SNX29: variants seen among roughly 807,000 people sequenced by gnomAD.
SNX29 encodes sorting nexin-29.
In SNX29, 78 loss-of-function variants were observed where a neutral mutation model predicts 102.1. The ratio of observed to expected loss-of-function variants is 0.76; its 90% CI spans 0.64 to 0.92. The LOEUF is 0.92. SNX29 is among the 40% of genes least tolerant of loss of function. The pLI is 0.00. For missense variants in SNX29, 1,280 were observed against 1,061.7 expected (o/e 1.21, Z -2.86); for synonymous variants, 580 against 414.5 (o/e 1.40, Z -4.85).
At chr16:12,545,263 C>T (rs894998210) in intron 20 of SNX29, among the ~76,000 whole-genome samples, 1 of 152,202 alleles carries the variant, frequency 6.6e-6, no homozygotes, top group Non-Finnish European at 1.5e-5. Flanking sequence ...CCAAAGAGTA[C>T]TGTTGAGAAA....
At chr16:12,282,135 G>A (rs1464792924) in intron 15 of SNX29, among the ~76,000 whole-genome samples, 3 of 146,312 alleles carry the variant, frequency 2.1e-5, no homozygotes, top group Non-Finnish European at 4.5e-5. Context: ...AATCCTCACA[G>A]TTGAGCACCA....
rs531854645 is a variant in SNX29, at chr16:12,167,556, A to C, written c.1596-32045A>C. Among the ~76,000 whole-genome samples, 237 of 152,292 alleles carry C rather than the reference A, an allele frequency of 1.6e-3. 1 individual carries two copies. Among genetic ancestry groups the C allele is most frequent in the Non-Finnish European group, 2.9e-3 (198 of 68,020 alleles). ...TTGCCCAGGGTTGGGAGGTGCAATC[A>C]TTGATTCCATTATCGCCACCATTAA... is the stretch of plus-strand genomic sequence containing the variant. On this transcript the variant is annotated intron_variant, in intron 13 of 20. Coordinates refer to ENST00000566228, the MANE Select transcript of SNX29 (RefSeq NM_032167.5).
intron 4 of SNX29, among the ~76,000 whole-genome samples, chr16:12,034,144 G>T (rs2057413327): frequency 6.6e-6 from 1 of 152,172 alleles, no homozygotes; most frequent in African/African-American, 2.4e-5. Flanking sequence ...GAAAATGGTT[G>T]ATTGCACTCA....
intron 14 of SNX29, among the ~76,000 whole-genome samples, chr16:12,266,497 A>G (rs2078932784): frequency 6.6e-6 from 1 of 152,118 alleles, no homozygotes; most frequent in Non-Finnish European, 1.5e-5. Context: ...AGCTTACAGA[A>G]CAACACCTGT....
intron 15 of SNX29, among the ~76,000 whole-genome samples, chr16:12,280,615 A>C (rs2079401250): frequency 6.6e-6 from 1 of 152,234 alleles, no homozygotes; most frequent in Non-Finnish European, 1.5e-5. Flanking sequence ...ACATGTCCTC[A>C]AACGGCATTT....
intron 14 of SNX29, among the ~76,000 whole-genome samples, chr16:12,275,753 T>C (rs1466353166): frequency 6.6e-6 from 1 of 152,084 alleles, no homozygotes; most frequent in Non-Finnish European, 1.5e-5. Flanking sequence ...ATTGTTATTT[T>C]TGACACATAA....
chr16:12,162,158 G>T (rs1318323666), intron 13 of SNX29, among the ~76,000 whole-genome samples: 1 of 152,038 alleles, frequency 6.6e-6, no homozygotes, highest in African/African-American at 2.4e-5. Context: ...GCACGTGATG[G>T]CTCCCTTCTT....
chr16:12,076,804 A>T (rs2051596310), intron 10 of SNX29, among the ~76,000 whole-genome samples: 2 of 152,154 alleles, frequency 1.3e-5, no homozygotes, highest in South Asian at 4.1e-4. Context: ...TCTAGAGTGG[A>T]ACTTCCTGAC....
chr16:12,222,719 C>T (rs1204597748), intron 14 of SNX29, among the ~76,000 whole-genome samples: 2 of 152,206 alleles, frequency 1.3e-5, no homozygotes, highest in African/African-American at 2.4e-5. Flanking sequence ...CAGGCACCCG[C>T]CACCATGCCC....
rs1477663027 is a variant in SNX29, at chr16:12,475,223, A to C, written c.2038-2496A>C. ...GTTCCTGAAATTGCCCACTCGTCAG[A>C]ATCACTGGAGAAGCTTTGGTTGCAT... On this transcript the variant is annotated intron_variant, in intron 18 of 20. Coordinates refer to ENST00000566228, the MANE Select transcript of SNX29 (RefSeq NM_032167.5). Among the ~76,000 whole-genome samples, 5 of 152,182 alleles carry C rather than the reference A, an allele frequency of 3.3e-5. No homozygotes were observed. In the East Asian group the frequency reaches 9.6e-4, roughly 29 times the overall value.
intron 16 of SNX29, among the ~76,000 whole-genome samples, chr16:12,378,808 A>G (rs1367440623): frequency 6.6e-6 from 1 of 152,140 alleles, no homozygotes; most frequent in Non-Finnish European, 1.5e-5. Context: ...CCGCTCCCCC[A>G]GCCCAGTCCG....
At chr16:12,430,613 T>G (rs546585633) in intron 18 of SNX29, among the ~76,000 whole-genome samples, 1 of 152,250 alleles carries the variant, frequency 6.6e-6, no homozygotes, top group East Asian at 1.9e-4. Context: ...ATGAAATTAA[T>G]AAAGTGTTAT....
chr16:12,527,719 G>T (rs1458033085), intron 20 of SNX29, among the ~76,000 whole-genome samples: 1 of 152,168 alleles, frequency 6.6e-6, no homozygotes, highest in East Asian at 1.9e-4. Context: ...GTGTTTTTGG[G>T]ATGGAGGTGG....
intron 15 of SNX29, among the ~76,000 whole-genome samples, chr16:12,304,801 G>C (rs1467671276): frequency 6.6e-6 from 1 of 152,074 alleles, no homozygotes; most frequent in East Asian, 1.9e-4. Flanking sequence ...AAAAAGAGAG[G>C]ATATGAACTA....
chr16:12,294,856 G>T (rs1452533648), intron 15 of SNX29, among the ~76,000 whole-genome samples: 1 of 152,006 alleles, frequency 6.6e-6, no homozygotes, highest in Non-Finnish European at 1.5e-5. Context: ...CTGTTTTCAC[G>T]CTGCTGATAA....
intron 20 of SNX29, among the ~76,000 whole-genome samples, chr16:12,542,839 A>G (rs2077404288): frequency 6.6e-6 from 1 of 152,004 alleles, no homozygotes; most frequent in Admixed American, 6.6e-5. Flanking sequence ...GTGTGGACCC[A>G]TGAGCAGTAC....
chr16:12,364,451 C>G (rs1385990731), intron 16 of SNX29, among the ~76,000 whole-genome samples: 3 of 147,582 alleles, frequency 2.0e-5, no homozygotes, highest in South Asian at 2.1e-4. Flanking sequence ...ATTTTTAGGA[C>G]TCTTATTATG....
At chr16:12,175,219 G>A (rs1039515138) in intron 13 of SNX29, among the ~76,000 whole-genome samples, 4 of 152,158 alleles carry the variant, frequency 2.6e-5, no homozygotes, top group African/African-American at 9.7e-5. Flanking sequence ...GCCAGAAGTG[G>A]GTCACTCTTG....
rs1179570959 is a variant in SNX29, at chr16:12,061,619, A to T, written c.1216A>T (p.Ser406Cys). 1 of 1,611,874 alleles carries T rather than the reference A, an allele frequency of 6.2e-7. No homozygotes were observed. Among genetic ancestry groups the T allele is most frequent in the South Asian group, 1.1e-5 (1 of 90,364 alleles). The change falls in exon 9 of 21, where the codon AGT becomes TGT. Residue 406 changes from serine (S) to cysteine (C), a missense_variant. Coordinates refer to ENST00000566228, the MANE Select transcript of SNX29 (RefSeq NM_032167.5). Reference sequence around the variant, plus strand: ...TGACTCCGACATCCTCTTCCCTGTCAGTGGCGTGGGCTCCTACAGCCCAGC... The same window carrying T: ...TGACTCCGACATCCTCTTCCCTGTCTGTGGCGTGGGCTCCTACAGCCCAGC... ...HNDSDILFPV[S>C]GVGSYSPADA...
Sources: allele counts gnomAD v4.1 joint callset (sites outside exome capture counted in the v4.1 genomes callset), GRCh38; gene constraint gnomAD v4.1.1; transcripts MANE v1.5; gene names NCBI Gene and HGNC (gene_info 2026-07-23, HGNC 2026-07-21).